POFUT3: variants seen among roughly 807,000 people sequenced by gnomAD.
POFUT3 encodes protein O-fucosyltransferase 3.
chr8:33,440,423 T>C, the POFUT3 span, among the ~76,000 whole-genome samples: 3 of 152,146 alleles, frequency 2.0e-5, no homozygotes, highest in Admixed American at 2.0e-4. Context: ...TGGCATGCTG[T>C]GTACATATCT....
chr8:33,383,103 C>A, the POFUT3 span, among the ~76,000 whole-genome samples: 1 of 152,268 alleles, frequency 6.6e-6, no homozygotes, highest in South Asian at 2.1e-4. Context: ...ATGTGCTTCT[C>A]AGGGGCAGGG....
the POFUT3 span, among the ~76,000 whole-genome samples, chr8:33,319,402 G>A: frequency 0.025 from 653 of 25,818 alleles, 62 homozygotes; most frequent in African/African-American, 0.15. Context: ...TTTATATATA[G>A]TATATATTAT....
At chr8:33,460,208 G>C in the POFUT3 span, among the ~76,000 whole-genome samples, 1 of 149,952 alleles carries the variant, frequency 6.7e-6, no homozygotes, top group African/African-American at 2.5e-5. Flanking sequence ...AAAAAAATTA[G>C]CCAGGCACCA....
chr8:33,436,461 C>T, the POFUT3 span: 7 of 1,431,788 alleles, frequency 4.9e-6, no homozygotes, highest in Non-Finnish European at 6.9e-6. Flanking sequence ...TGCCCACATG[C>T]AACTTGGTTG....
chr8:33,355,986 A>T, the POFUT3 span, among the ~76,000 whole-genome samples: 3 of 152,250 alleles, frequency 2.0e-5, no homozygotes, highest in East Asian at 5.8e-4. Flanking sequence ...CCATGTCCCT[A>T]TAAAGGACAT....
chr8:33,357,856 A>ATT, the POFUT3 span, among the ~76,000 whole-genome samples: 2 of 152,276 alleles, frequency 1.3e-5, no homozygotes, highest in African/African-American at 4.8e-5. Context: ...TCTTTAGTCC[A>ATT]TTAGAGATGT....
the POFUT3 span, among the ~76,000 whole-genome samples, chr8:33,450,097 C>T: frequency 1.8e-4 from 28 of 152,164 alleles, no homozygotes; most frequent in Admixed American, 8.5e-4. Flanking sequence ...TGCATGACCA[C>T]GCCCAGCTAT....
the POFUT3 span, among the ~76,000 whole-genome samples, chr8:33,407,644 A>G: frequency 1.3e-5 from 2 of 152,188 alleles, no homozygotes; most frequent in Admixed American, 6.5e-5. Flanking sequence ...CAAACCCTCC[A>G]GCTGGATTTA....
At chr8:33,432,281 C>T in the POFUT3 span, among the ~76,000 whole-genome samples, 2 of 151,864 alleles carry the variant, frequency 1.3e-5, no homozygotes, top group Admixed American at 6.6e-5. Context: ...ATGATGGGCA[C>T]CTGTAATCCC....
At chr8:33,446,479 G>A in the POFUT3 span, among the ~76,000 whole-genome samples, 44 of 151,784 alleles carry the variant, frequency 2.9e-4, no homozygotes, top group African/African-American at 1.0e-3. Context: ...AAAATACTTG[G>A]ACAGTGTCCT....
At chr8:33,432,301 G>A in the POFUT3 span, among the ~76,000 whole-genome samples, 2 of 151,764 alleles carry the variant, frequency 1.3e-5, no homozygotes, top group African/African-American at 4.8e-5. Flanking sequence ...CAGCTACTCG[G>A]GAGGCTGAGG....
chr8:33,468,728 T>G, the POFUT3 span, among the ~76,000 whole-genome samples: 1 of 152,212 alleles, frequency 6.6e-6, no homozygotes, highest in Non-Finnish European at 1.5e-5. Flanking sequence ...TTCTTCCCAG[T>G]GGTGACCCTT....
the POFUT3 span, among the ~76,000 whole-genome samples, chr8:33,404,255 T>C: frequency 6.6e-6 from 1 of 151,656 alleles, no homozygotes; most frequent in African/African-American, 2.4e-5. Flanking sequence ...CAAGAATCAC[T>C]TGAACCCGGG....
chr8:33,421,853 GA>G, the POFUT3 span, among the ~76,000 whole-genome samples: 47 of 152,060 alleles, frequency 3.1e-4, no homozygotes, highest in Non-Finnish European at 4.4e-4. Flanking sequence ...AATCAACACA[GA>G]TTATAGAATC....
the POFUT3 span, among the ~76,000 whole-genome samples, chr8:33,417,492 G>A: frequency 6.6e-6 from 1 of 152,072 alleles, no homozygotes; most frequent in African/African-American, 2.4e-5. Flanking sequence ...TAGAAGATGA[G>A]CTACAGCCAC....
the POFUT3 span, among the ~76,000 whole-genome samples, chr8:33,329,162 G>C: frequency 6.7e-6 from 1 of 149,892 alleles, no homozygotes; most frequent in Non-Finnish European, 1.5e-5. Flanking sequence ...TCAAGTGTCC[G>C]TCTTTCCCAA....
the POFUT3 span, among the ~76,000 whole-genome samples, chr8:33,329,206 C>T: frequency 3.4e-4 from 52 of 152,050 alleles, no homozygotes; most frequent in Non-Finnish European, 5.6e-4. Context: ...CTAGGAGTCA[C>T]ATGAAAAATA....
At chr8:33,372,807 G>T in the POFUT3 span, 1 of 1,612,082 alleles carries the variant, frequency 6.2e-7, no homozygotes, top group Non-Finnish European at 8.5e-7. Context: ...GGTAAGCCCT[G>T]CAGGAAGAGA....
chr8:33,324,767 T>C, the POFUT3 span, among the ~76,000 whole-genome samples: 2 of 148,066 alleles, frequency 1.4e-5, no homozygotes, highest in African/African-American at 4.9e-5. Flanking sequence ...CACAGCACCA[T>C]CGCCTATGTA....
Sources: gnomAD v4.1 joint callset for allele counts (sites outside exome capture counted in the v4.1 genomes callset) on GRCh38, gnomAD v4.1.1 for gene constraint, MANE v1.5 for transcripts, NCBI Gene and HGNC (gene_info 2026-07-23, HGNC 2026-07-21) for gene names.